CAMKMT: variants seen among roughly 807,000 people sequenced by gnomAD.
The protein encoded by CAMKMT is CaM KMT.
Under a neutral mutation model 48.0 loss-of-function variants are expected in CAMKMT, and 53 were observed. The observed-to-expected ratio is 1.10, with a 90% CI of 0.89 to 1.39. The LOEUF (loss-of-function observed/expected upper bound fraction) is 1.39. Among genes scored for constraint, CAMKMT ranks in the 40% most tolerant of loss-of-function variants. CAMKMT has a pLI of 0.00. For synonymous variants in CAMKMT, 165 were observed against 152.3 expected, an observed-to-expected ratio of 1.08 and a Z score of -0.61; for missense variants, 428 against 402.7, an observed-to-expected ratio of 1.06 and a Z score of -0.54.
Position 44,388,732 on chromosome 2 carries a change from T to C in CAMKMT, c.312-1509T>C, listed in dbSNP as rs371798515. 1.4e-4 allele frequency among the ~76,000 whole-genome samples: 21 copies of C among 152,310 alleles called. No homozygotes were observed. The East Asian group carries it at 2.3e-3, about 17-fold the overall frequency. ...ATGTAGTACTCTCCCCGTTTTCCTATGGATGTGGCTTCCTATGAGCAGAAC... is the reference window on the plus strand; with the variant it reads ...ATGTAGTACTCTCCCCGTTTTCCTACGGATGTGGCTTCCTATGAGCAGAAC... On this transcript the variant is annotated intron_variant, in intron 2 of 10. Coordinates refer to ENST00000378494, the MANE Select transcript of CAMKMT (RefSeq NM_024766.5).
rs1242193891 is a variant in CAMKMT, at chr2:44,669,773, G to T, written c.377-34510G>T. ...CCACCTCAGCCTTCCAAGTAGCTGG[G>T]ACTACAGGTGTGTGCCACCACATCT... On this transcript the variant is annotated intron_variant, in intron 3 of 10. Transcript: ENST00000378494. Among the ~76,000 whole-genome samples, 11 of 152,202 alleles carry T rather than the reference G, an allele frequency of 7.2e-5. No homozygotes were observed. In the South Asian group the frequency reaches 1.7e-3, roughly 23 times the overall value.
At chr2:44,512,412 A>C (rs1350589390) in intron 3 of CAMKMT, among the ~76,000 whole-genome samples, 3 of 152,212 alleles carry the variant, frequency 2.0e-5, no homozygotes, top group African/African-American at 7.2e-5. Context: ...AGTGGCAGCC[A>C]TTATTATTAT....
At chr2:44,683,558 C>A (rs550916345) in intron 3 of CAMKMT, among the ~76,000 whole-genome samples, 4 of 152,156 alleles carry the variant, frequency 2.6e-5, no homozygotes, top group Non-Finnish European at 5.9e-5. Flanking sequence ...CGGTGGCTCA[C>A]GCCTATAATC....
intron 3 of CAMKMT, among the ~76,000 whole-genome samples, chr2:44,559,837 C>G (rs1193477907): frequency 6.6e-6 from 1 of 152,122 alleles, no homozygotes; most frequent in East Asian, 1.9e-4. Flanking sequence ...TAGGTCTTGT[C>G]CAATTTGTAC....
At chr2:44,771,561 C>T (rs1681111354) in intron 10 of CAMKMT, among the ~76,000 whole-genome samples, 1 of 152,158 alleles carries the variant, frequency 6.6e-6, no homozygotes, top group East Asian at 1.9e-4. Context: ...CTAAGAAGCA[C>T]CTGGAGAGCC....
chr2:44,438,393 T>C lies in CAMKMT; in HGVS notation c.376+48088T>C, dbSNP rs1447964809. ...TTGTGTTTAGTTTATAAACTTGTTT[T>C]GGTTTCATGGTTATATAAAAGCTAT... On this transcript the variant is annotated intron_variant, in intron 3 of 10. Transcript: ENST00000378494. Among the ~76,000 whole-genome samples the C allele has an allele frequency of 2.6e-5, 4 of 152,338 alleles. No homozygotes were observed. The South Asian group carries it at 6.2e-4, about 24-fold the overall frequency.
rs1680847564 is a variant in CAMKMT, at chr2:44,766,496, A to G, written c.829A>G (p.Lys277Glu). 1 of 1,614,084 alleles carries G rather than the reference A, an allele frequency of 6.2e-7. No homozygotes were observed. Among genetic ancestry groups the G allele is most frequent in the African/African-American group, 1.3e-5 (1 of 74,950 alleles). ...AAACCAGTTTTGCAATCTAGCTGAA[A>G]AAGCTGGTTTCTGTATCCAAAGACA... is the stretch of plus-strand genomic sequence containing the variant. Reference protein sequence around the residue: ...TLNQFCNLAEKAGFCIQRHEN... With the variant: ...TLNQFCNLAEEAGFCIQRHEN... The change falls in exon 10 of 11, where the codon AAA becomes GAA. Residue 277 changes from lysine to glutamate, a missense_variant. Physicochemically the swap from Lys to Glu is moderately conservative, Grantham distance 56 (BLOSUM62 1). Coordinates refer to ENST00000378494, the MANE Select transcript of CAMKMT (RefSeq NM_024766.5).
chr2:44,603,230 G>A lies in CAMKMT; in HGVS notation c.377-101053G>A, dbSNP rs150069955. 7.3e-3 allele frequency among the ~76,000 whole-genome samples: 1,102 copies of A among 151,722 alleles called. 25 individuals are homozygous for A. The highest frequency in any genetic ancestry group is 0.025 in the African/African-American group (1,038 of 41,180). On this transcript the variant is annotated intron_variant, in intron 3 of 10. Coordinates refer to ENST00000378494, the MANE Select transcript of CAMKMT (RefSeq NM_024766.5). Reference sequence around the variant, plus strand: ...CAGCCTCCTGAGTAGCTGGGATTACGACATGTGCCACCACACCTGGCTAAT... The same window carrying A: ...CAGCCTCCTGAGTAGCTGGGATTACAACATGTGCCACCACACCTGGCTAAT...
At chr2:44,705,293 A>G (rs1482527232) in intron 4 of CAMKMT, 2 of 946,634 alleles carry the variant, frequency 2.1e-6, no homozygotes, top group Non-Finnish European at 2.5e-6. Context: ...CTCTCTTTTA[A>G]TTTTGCTTTT....
At chr2:44,754,469 C>G (rs1173569831) in intron 9 of CAMKMT, among the ~76,000 whole-genome samples, 1 of 152,166 alleles carries the variant, frequency 6.6e-6, no homozygotes, top group African/African-American at 2.4e-5. Context: ...CTGTTGACTT[C>G]TGTCATTTTC....
At chr2:44,477,425 A>G (rs1314751351) in intron 3 of CAMKMT, among the ~76,000 whole-genome samples, 1 of 152,228 alleles carries the variant, frequency 6.6e-6, no homozygotes, top group African/African-American at 2.4e-5. Context: ...AGTTAAAACT[A>G]TTTTTAAACC....
At chr2:44,722,948 G>A (rs1234215369) in intron 7 of CAMKMT, among the ~76,000 whole-genome samples, 3 of 152,138 alleles carry the variant, frequency 2.0e-5, no homozygotes, top group Non-Finnish European at 4.4e-5. Context: ...AGCATGAGGG[G>A]GGTCTGAATG....
intron 2 of CAMKMT, among the ~76,000 whole-genome samples, chr2:44,378,336 C>G (rs1465364365): frequency 6.6e-6 from 1 of 152,090 alleles, no homozygotes; most frequent in Non-Finnish European, 1.5e-5. Flanking sequence ...TTTCCAAATC[C>G]CAATATAGTA....
chr2:44,483,404 T>C (rs1470917156), intron 3 of CAMKMT, among the ~76,000 whole-genome samples: 1 of 152,194 alleles, frequency 6.6e-6, no homozygotes, highest in Non-Finnish European at 1.5e-5. Flanking sequence ...TTTAGTCTAA[T>C]GGACTTTATT....
At chr2:44,569,676 T>C (rs928901545) in intron 3 of CAMKMT, among the ~76,000 whole-genome samples, 4 of 152,150 alleles carry the variant, frequency 2.6e-5, no homozygotes, top group Non-Finnish European at 5.9e-5. Context: ...TGAGGAAGGG[T>C]AGTTATCAAG....
At chr2:44,516,032 C>T (rs1670814548) in intron 3 of CAMKMT, among the ~76,000 whole-genome samples, 1 of 152,128 alleles carries the variant, frequency 6.6e-6, no homozygotes, top group African/African-American at 2.4e-5. Flanking sequence ...TATTACCAAG[C>T]TTCTGTCAGG....
intron 6 of CAMKMT, among the ~76,000 whole-genome samples, chr2:44,707,730 A>G (rs993730766): frequency 7.2e-5 from 11 of 152,204 alleles, no homozygotes; most frequent in African/African-American, 2.7e-4. Flanking sequence ...AATTTGTTTC[A>G]TAATAATTTT....
chr2:44,577,110 G>T (rs1264364420), intron 3 of CAMKMT, among the ~76,000 whole-genome samples: 1 of 152,282 alleles, frequency 6.6e-6, no homozygotes, highest in East Asian at 1.9e-4. Context: ...GATGCTGGTT[G>T]TACAAGGGAA....
intron 3 of CAMKMT, among the ~76,000 whole-genome samples, chr2:44,630,221 C>G (rs1335178489): frequency 2.0e-5 from 3 of 150,530 alleles, no homozygotes; most frequent in Non-Finnish European, 3.0e-5. Context: ...GGATCCCTTC[C>G]TTACACCTTA....
Sources: gnomAD v4.1 joint callset for allele counts (sites outside exome capture counted in the v4.1 genomes callset) on GRCh38, gnomAD v4.1.1 for gene constraint, MANE v1.5 for transcripts, NCBI Gene and HGNC (gene_info 2026-07-23, HGNC 2026-07-21) for gene names.